Variants in RXFP1 observed in about 807,000 individuals in gnomAD.
RXFP1 encodes relaxin receptor 1.
Under a neutral mutation model 89.8 loss-of-function variants are expected in RXFP1, and 73 were observed. That is an observed-to-expected ratio of 0.81 (90% CI 0.67 to 0.99). The LOEUF is 0.99. RXFP1 is among the 50% of genes least tolerant of loss of function. RXFP1 has a pLI of 0.00. For missense variants in RXFP1, 793 were observed against 895.5 expected (o/e 0.89, Z 1.46); for synonymous variants, 277 against 305.5 (o/e 0.91, Z 0.97).
chr4:158,652,475 T>C lies in RXFP1; in HGVS notation c.*420T>C, dbSNP rs931327147. On this transcript the variant is annotated 3_prime_UTR_variant, in exon 18 of 18. Coordinates refer to ENST00000307765, the MANE Select transcript of RXFP1 (RefSeq NM_021634.4). ...GTTTAAAGTAGAGCTTTACCTGTCA[T>C]GTGCATCAGCAAGAATCATAGGCAC... 1 of 153,852 alleles carries C rather than the reference T, an allele frequency of 6.5e-6. No individual in the cohort carries two copies. The allele number at this position is 153,852 out of a possible 1,614,324, so 9.5% of individuals were successfully genotyped here.
intron 17 of RXFP1, among the ~76,000 whole-genome samples, chr4:158,651,116 C>T (rs905511017): frequency 4.6e-5 from 7 of 152,008 alleles, no homozygotes; most frequent in Non-Finnish European, 8.8e-5. Flanking sequence ...AGCATGAGAC[C>T]CTGTCTCAAA....
intron 2 of RXFP1, among the ~76,000 whole-genome samples, chr4:158,573,255 A>G (rs947542220): frequency 7.9e-5 from 12 of 151,938 alleles, no homozygotes; most frequent in African/African-American, 2.9e-4. Flanking sequence ...TGATCCACCC[A>G]CCTCTTCCTC....
chr4:158,622,955 A>G (rs1448401856), intron 9 of RXFP1, among the ~76,000 whole-genome samples: 1 of 152,222 alleles, frequency 6.6e-6, no homozygotes, highest in African/African-American at 2.4e-5. Context: ...GAAACAGGCT[A>G]TATACCTTAA....
intron 10 of RXFP1, among the ~76,000 whole-genome samples, chr4:158,627,228 C>T (rs1008608594): frequency 3.9e-5 from 6 of 152,130 alleles, no homozygotes; most frequent in Admixed American, 3.9e-4. Context: ...TCTTATGCAT[C>T]TCTGGCCTAT....
Position 158,572,592 on chromosome 4 carries a change from A to G in RXFP1, c.50-106A>G, listed in dbSNP as rs576641293. 3.7e-5 allele frequency: 38 copies of G among 1,031,944 alleles called. No individual in the cohort carries two copies. In the African/African-American group the frequency reaches 5.3e-4, roughly 15 times the overall value. 63.9% of individuals were successfully genotyped at this position (1,031,944 alleles called of 1,614,324 possible). A position where few individuals can be genotyped will look rare whatever the true frequency, so the allele number is the denominator to read the frequency against. On this transcript the variant is annotated intron_variant, in intron 1 of 17. Transcript: ENST00000307765. ...GGCATCAGGGTTGTATGTAGAAACC[A>G]TGATGAGAAAGACAAATGATTATAA...
intron 15 of RXFP1, among the ~76,000 whole-genome samples, chr4:158,645,756 C>T (rs1420309557): frequency 1.3e-5 from 2 of 152,114 alleles, no homozygotes; most frequent in African/African-American, 2.4e-5. Flanking sequence ...AGAATTTATC[C>T]ATGCTCCCTC....
chr4:158,617,107 C>T (rs2150148539), intron 8 of RXFP1, 24 bp from the exon 9 acceptor site: 1 of 1,542,026 alleles, frequency 6.5e-7, no homozygotes. Context: ...AAAAATGTGA[C>T]TTGTTTGTCT....
chr4:158,560,019 T>C (rs1403554208), intron 1 of RXFP1, among the ~76,000 whole-genome samples: 1 of 152,246 alleles, frequency 6.6e-6, no homozygotes, highest in Non-Finnish European at 1.5e-5. Flanking sequence ...ACATAATGTC[T>C]GCAGGAAGAA....
At chr4:158,634,596 A>G (rs1481071737) in intron 12 of RXFP1, among the ~76,000 whole-genome samples, 1 of 152,152 alleles carries the variant, frequency 6.6e-6, no homozygotes. Context: ...AATAACACCA[A>G]ATGTCATTGG....
chr4:158,639,158 T>C, intron 13 of RXFP1, 102 bp from the exon 14 acceptor site: 1 of 669,364 alleles, frequency 1.5e-6, no homozygotes, highest in South Asian at 1.9e-5. Flanking sequence ...GAGTAAGTGT[T>C]AACTAAAAGC....
intron 1 of RXFP1, among the ~76,000 whole-genome samples, chr4:158,552,264 T>C (rs936254681): frequency 6.6e-6 from 1 of 152,184 alleles, no homozygotes; most frequent in African/African-American, 2.4e-5. Context: ...TAAAATGTGA[T>C]AGTTGGATAG....
At chr4:158,606,462 A>C (rs1465659426) in intron 5 of RXFP1, among the ~76,000 whole-genome samples, 1 of 152,202 alleles carries the variant, frequency 6.6e-6, no homozygotes, top group Non-Finnish European at 1.5e-5. Flanking sequence ...ACCTCCAGGC[A>C]ATGCAGCCTA....
Position 158,648,730 on chromosome 4 carries a change from T to G in RXFP1, c.1975+13T>G. 7.1e-7 allele frequency: 1 copy of G among 1,414,482 alleles called. No homozygotes were observed. Among genetic ancestry groups the G allele is most frequent in the Middle Eastern group, 2.3e-4 (1 of 4,424 alleles). 87.6% of individuals were successfully genotyped at this position (1,414,482 alleles called of 1,614,324 possible). A position where few individuals can be genotyped will look rare whatever the true frequency, so the allele number is the denominator to read the frequency against. ...GTAGAAATACCAGGTACAATATTTT[T>G]TAATCTCCTTAAAGAAATAATAAAT... is the stretch of plus-strand genomic sequence containing the variant. On this transcript the variant is annotated intron_variant, in intron 17 of 17. Coordinates refer to ENST00000307765, the MANE Select transcript of RXFP1 (RefSeq NM_021634.4).
intron 3 of RXFP1, 50 bp from the exon 4 acceptor site, chr4:158,599,276 C>T: frequency 6.2e-7 from 1 of 1,612,328 alleles, no homozygotes; most frequent in Non-Finnish European, 8.5e-7. Flanking sequence ...TTACCCTCCT[C>T]TTCCTGGTCC....
intron 2 of RXFP1, among the ~76,000 whole-genome samples, chr4:158,581,765 T>C (rs1757403023): frequency 6.6e-6 from 1 of 152,220 alleles, no homozygotes; most frequent in Non-Finnish European, 1.5e-5. Context: ...GATGTCTGTT[T>C]TGCCTTGTTA....
At chr4:158,533,393 T>G (rs1229621485) in intron 1 of RXFP1, among the ~76,000 whole-genome samples, 1 of 152,198 alleles carries the variant, frequency 6.6e-6, no homozygotes, top group Non-Finnish European at 1.5e-5. Context: ...GACATTACCC[T>G]AAAATCAGTA....
At chr4:158,642,944 T>A (rs1770669173) in intron 14 of RXFP1, among the ~76,000 whole-genome samples, 1 of 152,138 alleles carries the variant, frequency 6.6e-6, no homozygotes, top group Non-Finnish European at 1.5e-5. Flanking sequence ...TACAGTAGCT[T>A]GAGGAAGCCA....
chr4:158,629,871 C>T (rs557675995), intron 11 of RXFP1, among the ~76,000 whole-genome samples: 3 of 152,172 alleles, frequency 2.0e-5, no homozygotes, highest in East Asian at 3.9e-4. Context: ...GCAATCCTCC[C>T]GCCTCAGCTT....
At chr4:158,600,206 G>A (rs1226708011) in intron 4 of RXFP1, among the ~76,000 whole-genome samples, 3 of 152,096 alleles carry the variant, frequency 2.0e-5, no homozygotes, top group Non-Finnish European at 4.4e-5. Flanking sequence ...GGGTATATGA[G>A]GACAAAATAA....
Sources: gnomAD v4.1 joint callset for allele counts (sites outside exome capture counted in the v4.1 genomes callset) on GRCh38, gnomAD v4.1.1 for gene constraint, MANE v1.5 for transcripts, NCBI Gene and HGNC (gene_info 2026-07-23, HGNC 2026-07-21) for gene names.